GRID2: variants seen among roughly 807,000 people sequenced by gnomAD.
GRID2 encodes the protein glutamate ionotropic receptor delta type subunit 2.
A neutral mutation model predicts 114.8 loss-of-function variants in GRID2; 33 were observed. That is an observed-to-expected ratio of 0.29 (90% CI 0.22 to 0.38). The LOEUF (loss-of-function observed/expected upper bound fraction) is 0.38, where lower values mean the gene tolerates loss of function less well. Ranked by LOEUF, GRID2 falls within the 10% of genes least tolerant of loss-of-function variation. The probability of loss-of-function intolerance (pLI) is 1.00; values close to 1 mark genes in which losing one functional copy is unlikely to be tolerated. For missense variants in GRID2, 1,184 were observed against 1,257.7 expected (o/e 0.94, Z 0.89); for synonymous variants, 505 against 449.9 (o/e 1.12, Z -1.55).
At chr4:93,142,452 T>C (rs1212172703) in intron 4 of GRID2, among the ~76,000 whole-genome samples, 7 of 152,080 alleles carry the variant, frequency 4.6e-5, no homozygotes, top group Non-Finnish European at 1.5e-5. Flanking sequence ...GCAGACGGGG[T>C]GAACAAGTTC....
At chr4:92,499,245 CT>C (rs1723553541) in intron 1 of GRID2, among the ~76,000 whole-genome samples, 1 of 151,888 alleles carries the variant, frequency 6.6e-6, no homozygotes, top group South Asian at 2.1e-4. Flanking sequence ...CATGTATCTC[CT>C]GTAATATTTG....
intron 1 of GRID2, among the ~76,000 whole-genome samples, chr4:92,470,226 C>T (rs1560652098): frequency 6.6e-6 from 1 of 151,828 alleles, no homozygotes; most frequent in Non-Finnish European, 1.5e-5. Flanking sequence ...ATGTGGAACA[C>T]TCAATTTGAG....
chr4:92,862,487 A>C (rs2149436483), intron 2 of GRID2, among the ~76,000 whole-genome samples: 1 of 152,100 alleles, frequency 6.6e-6, no homozygotes, highest in Non-Finnish European at 1.5e-5. Context: ...AACTTCTATT[A>C]GTCGGCATGT....
intron 2 of GRID2, among the ~76,000 whole-genome samples, chr4:92,850,473 T>C (rs189685077): frequency 1.3e-5 from 2 of 151,928 alleles, no homozygotes; most frequent in Non-Finnish European, 2.9e-5. Flanking sequence ...CAAACAGGAT[T>C]GATTGACATA....
rs940741975 is a variant in GRID2 at position 92,728,615 on chromosome 4, C to G, written c.244+138329C>G. 2.6e-4 allele frequency among the ~76,000 whole-genome samples: 39 copies of G among 151,866 alleles called. 1 individual carries two copies. Among genetic ancestry groups the G allele is most frequent in the African/African-American group, 9.4e-4 (39 of 41,370 alleles). On this transcript the variant is annotated intron_variant, in intron 2 of 15. Transcript: ENST00000282020. ...TTCAGTAAACTACTCTTGGAAGTAACACTCCATCTCTTTGCTGTATTCTGT... is the reference window on the plus strand; with the variant it reads ...TTCAGTAAACTACTCTTGGAAGTAAGACTCCATCTCTTTGCTGTATTCTGT...
intron 9 of GRID2, among the ~76,000 whole-genome samples, chr4:93,404,325 C>G (rs1262154949): frequency 6.6e-6 from 1 of 152,080 alleles, no homozygotes; most frequent in Non-Finnish European, 1.5e-5. Context: ...GATGATTGCA[C>G]ATATTTGCGA....
intron 1 of GRID2, among the ~76,000 whole-genome samples, chr4:92,505,025 A>G (rs1305733464): frequency 6.6e-6 from 1 of 152,058 alleles, no homozygotes; most frequent in East Asian, 1.9e-4. Context: ...AATCATTTAA[A>G]AGAGAAAATG....
intron 2 of GRID2, among the ~76,000 whole-genome samples, chr4:92,600,086 A>T (rs1163953467): frequency 8.1e-6 from 1 of 123,706 alleles, no homozygotes; most frequent in Non-Finnish European, 1.7e-5. Flanking sequence ...ATATATATAT[A>T]TATTTCTCAG....
chr4:93,796,129 C>T (rs190349628), intron 1 of GRID2, among the ~76,000 whole-genome samples: 4 of 152,198 alleles, frequency 2.6e-5, no homozygotes, highest in Admixed American at 2.6e-4. Context: ...AGATGCCCTC[C>T]CAGGCTTTAA....
chr4:93,285,612 A>G (rs2149134904), intron 8 of GRID2, among the ~76,000 whole-genome samples: 1 of 152,122 alleles, frequency 6.6e-6, no homozygotes, highest in Non-Finnish European at 1.5e-5. Context: ...TTTTTATAGA[A>G]TATTTTATGT....
rs963442152 is a variant in GRID2 at position 93,515,196 on chromosome 4, C to T, written c.1998-20C>T. On this transcript the variant is annotated intron_variant, in intron 12 of 15. Coordinates refer to ENST00000282020, the MANE Select transcript of GRID2 (RefSeq NM_001510.4). ...TCAGTAATGTGTCTCTTGTGTCTCT[C>T]TTCTCTCCCAATAATCAAGGTCTCT... 36 of 1,322,312 alleles carry T rather than the reference C, an allele frequency of 2.7e-5. No homozygotes were observed. The highest frequency in any genetic ancestry group is 3.5e-5 in the Non-Finnish European group (34 of 958,936). 81.9% of individuals were successfully genotyped at this position (1,322,312 alleles called of 1,614,324 possible).
chr4:93,398,228 C>T (rs1765544339), intron 9 of GRID2, among the ~76,000 whole-genome samples: 1 of 149,948 alleles, frequency 6.7e-6, no homozygotes, highest in Admixed American at 6.7e-5. Flanking sequence ...TACTTACTAT[C>T]TGTATAATGT....
intron 13 of GRID2, among the ~76,000 whole-genome samples, chr4:93,599,573 G>T (rs1379617875): frequency 2.0e-5 from 3 of 152,086 alleles, no homozygotes; most frequent in Admixed American, 1.3e-4. Context: ...GCTTCCATTT[G>T]CTTCCATCAA....
intron 2 of GRID2, among the ~76,000 whole-genome samples, chr4:92,955,710 G>C (rs1578592444): frequency 6.6e-6 from 1 of 152,084 alleles, no homozygotes; most frequent in South Asian, 2.1e-4. Context: ...GTCCTGAATG[G>C]TAATGCCTAG....
intron 12 of GRID2, 133 bp from the exon 13 acceptor site, chr4:93,515,083 A>C (rs1729577159): frequency 2.3e-6 from 1 of 438,112 alleles, no homozygotes; most frequent in Non-Finnish European, 4.0e-6. Context: ...AATATCAGAA[A>C]ACAATAAAAT....
chr4:93,719,216 A>G (rs1461045015), intron 14 of GRID2, among the ~76,000 whole-genome samples: 1 of 152,084 alleles, frequency 6.6e-6, no homozygotes, highest in Non-Finnish European at 1.5e-5. Flanking sequence ...TCTTCCCTAT[A>G]GATCTAGCTA....
chr4:92,899,153 GTTAATT>G (rs1181966897), intron 2 of GRID2, among the ~76,000 whole-genome samples: 1 of 151,926 alleles, frequency 6.6e-6, no homozygotes, highest in Non-Finnish European at 1.5e-5. Context: ...GGTCAAACAC[GTTAATT>G]TTAATAATAG....
intron 10 of GRID2, among the ~76,000 whole-genome samples, chr4:93,439,930 T>G (rs920273018): frequency 5.3e-5 from 8 of 152,010 alleles, no homozygotes; most frequent in African/African-American, 1.9e-4. Flanking sequence ...CCCACCATTC[T>G]GACCCACCAT....
At chr4:92,471,382 G>A (rs1015545529) in intron 1 of GRID2, among the ~76,000 whole-genome samples, 18 of 151,972 alleles carry the variant, frequency 1.2e-4, no homozygotes, top group African/African-American at 3.9e-4. Context: ...TATAATTGAG[G>A]AAGTTAAAGG....
Sources: gnomAD v4.1 joint callset for allele counts (sites outside exome capture counted in the v4.1 genomes callset) on GRCh38, gnomAD v4.1.1 for gene constraint, MANE v1.5 for transcripts, NCBI Gene and HGNC (gene_info 2026-07-23, HGNC 2026-07-21) for gene names.